Variants in AUTS2 observed in about 807,000 individuals in gnomAD.
AUTS2 encodes activator of transcription and developmental regulator AUTS2.
A neutral mutation model predicts 112.4 loss-of-function variants in AUTS2; 17 were observed. The observed-to-expected ratio is 0.15, with a 90% CI of 0.10 to 0.23. The LOEUF (loss-of-function observed/expected upper bound fraction) is 0.23, where lower values mean the gene tolerates loss of function less well. Ranked by LOEUF, AUTS2 falls within the 10% of genes least tolerant of loss-of-function variation. The probability of loss-of-function intolerance (pLI) is 1.00; values close to 1 mark genes in which losing one functional copy is unlikely to be tolerated. For missense variants in AUTS2, 1,510 were observed against 1,701.6 expected, an observed-to-expected ratio of 0.89 and a Z score of 1.98; for synonymous variants, 751 against 702.7, an observed-to-expected ratio of 1.07 and a Z score of -1.09.
At chr7:69,750,459 A>C (rs1392068657) in intron 1 of AUTS2, among the ~76,000 whole-genome samples, 1 of 148,874 alleles carries the variant, frequency 6.7e-6, no homozygotes, top group Non-Finnish European at 1.5e-5. Context: ...ATTTGTATAT[A>C]ACAAATACTA....
chr7:70,614,766 GT>G (rs1804267280), intron 5 of AUTS2, among the ~76,000 whole-genome samples: 1 of 152,204 alleles, frequency 6.6e-6, no homozygotes, highest in African/African-American at 2.4e-5. Flanking sequence ...AAAGTCACTG[GT>G]AATCTGTGCT....
chr7:70,116,968 A>G (rs898816045), intron 2 of AUTS2, among the ~76,000 whole-genome samples: 3 of 151,926 alleles, frequency 2.0e-5, no homozygotes, highest in Non-Finnish European at 4.4e-5. Flanking sequence ...GTAGACTAGT[A>G]CTCCATATAT....
At chr7:70,090,156 G>A (rs1254570949) in intron 2 of AUTS2, among the ~76,000 whole-genome samples, 1 of 151,408 alleles carries the variant, frequency 6.6e-6, no homozygotes, top group Non-Finnish European at 1.5e-5. Context: ...TTAATTGTTG[G>A]TTTTGGGGTT....
intron 1 of AUTS2, among the ~76,000 whole-genome samples, chr7:69,842,366 A>G (rs1181581007): frequency 6.6e-6 from 1 of 152,214 alleles, no homozygotes; most frequent in African/African-American, 2.4e-5. Flanking sequence ...TTTAAAGCAC[A>G]TACCTTAGGA....
chr7:70,172,651 G>A (rs940465223), intron 4 of AUTS2, among the ~76,000 whole-genome samples: 1 of 151,876 alleles, frequency 6.6e-6, no homozygotes, highest in African/African-American at 2.4e-5. Context: ...CTTTCCCTAT[G>A]CACTTTTGCT....
rs575827683 is a variant in AUTS2, at chr7:70,258,826, T to C, written c.660+124255T>C. On this transcript the variant is annotated intron_variant, in intron 4 of 18. Coordinates refer to ENST00000342771, the MANE Select transcript of AUTS2 (RefSeq NM_015570.4). Reference sequence around the variant, plus strand: ...GACAGAGGGACTCTAACAAGCTTGATGACATTTTGAATACGTTTTGTATTG... The same window carrying C: ...GACAGAGGGACTCTAACAAGCTTGACGACATTTTGAATACGTTTTGTATTG... 2.0e-5 allele frequency among the ~76,000 whole-genome samples: 3 copies of C among 152,278 alleles called. No homozygotes were observed. In the East Asian group the frequency reaches 5.8e-4, roughly 29 times the overall value.
In AUTS2 at chr7:70,475,982, T is replaced by C. The variant is rs191711795; in HGVS notation, c.690+40201T>C. Among the ~76,000 whole-genome samples, 171 of 152,142 alleles carry C rather than the reference T, an allele frequency of 1.1e-3. No homozygotes were observed. In the Middle Eastern group the frequency reaches 0.017, roughly 15 times the overall value. On this transcript the variant is annotated intron_variant, in intron 5 of 18. Coordinates refer to ENST00000342771, the MANE Select transcript of AUTS2 (RefSeq NM_015570.4). ...AGGTGAAGGCTGCAGTGAGCCAAGATCACACCACTGCAATCCAGCCTGGGT... is the reference window on the plus strand; with the variant it reads ...AGGTGAAGGCTGCAGTGAGCCAAGACCACACCACTGCAATCCAGCCTGGGT...
At chr7:70,702,967 A>G (rs761054197) in intron 6 of AUTS2, among the ~76,000 whole-genome samples, 7 of 152,208 alleles carry the variant, frequency 4.6e-5, no homozygotes, top group African/African-American at 7.2e-5. Flanking sequence ...GTATGGTTCT[A>G]TCAGCATTGT....
At chr7:70,618,722 CAGAG>C (rs34608343) in intron 5 of AUTS2, among the ~76,000 whole-genome samples, 1 of 151,314 alleles carries the variant, frequency 6.6e-6, no homozygotes. Flanking sequence ...AGGGGACAGA[CAGAG>C]AGAGAGAAAG....
chr7:69,647,331 A>G (rs1003508678), intron 1 of AUTS2, among the ~76,000 whole-genome samples: 3 of 151,726 alleles, frequency 2.0e-5, no homozygotes, highest in African/African-American at 7.3e-5. Flanking sequence ...TCAAAATTAG[A>G]TCAAATGGTC....
chr7:70,265,894 TA>T (rs888288546), intron 4 of AUTS2, among the ~76,000 whole-genome samples: 1 of 152,234 alleles, frequency 6.6e-6, no homozygotes, highest in African/African-American at 2.4e-5. Context: ...GTAAGTAGAA[TA>T]AATCAGTTTA....
At chr7:70,642,398 G>A (rs55821009) in intron 5 of AUTS2, among the ~76,000 whole-genome samples, 118,786 of 151,422 alleles carry the variant, frequency 0.78, 46,751 homozygotes, top group South Asian at 0.87. Flanking sequence ...TCTATCCTTC[G>A]TGCACAGATA....
At chr7:69,821,469 G>A (rs1208447744) in intron 1 of AUTS2, among the ~76,000 whole-genome samples, 1 of 151,998 alleles carries the variant, frequency 6.6e-6, no homozygotes, top group Non-Finnish European at 1.5e-5. Flanking sequence ...GACAAATAAG[G>A]GAATAAAAGC....
intron 4 of AUTS2, among the ~76,000 whole-genome samples, chr7:70,423,473 C>A (rs533037286): frequency 2.0e-5 from 3 of 152,298 alleles, no homozygotes; most frequent in African/African-American, 7.2e-5. Context: ...ATTTTTCCAA[C>A]TTAACTTTGA....
chr7:70,268,255 A>G (rs1787530538), intron 4 of AUTS2, among the ~76,000 whole-genome samples: 1 of 152,168 alleles, frequency 6.6e-6, no homozygotes, highest in Non-Finnish European at 1.5e-5. Flanking sequence ...GTGCTTCTGG[A>G]TAGTAAACTG....
chr7:70,665,100 A>G (rs899258537), intron 5 of AUTS2, among the ~76,000 whole-genome samples: 2 of 152,138 alleles, frequency 1.3e-5, no homozygotes, highest in Non-Finnish European at 2.9e-5. Flanking sequence ...AAATGCTTAT[A>G]TTCAACAATT....
intron 2 of AUTS2, among the ~76,000 whole-genome samples, chr7:69,958,653 G>T (rs1298449365): frequency 1.3e-5 from 2 of 152,114 alleles, no homozygotes; most frequent in Non-Finnish European, 2.9e-5. Flanking sequence ...TAGTCACTCT[G>T]CAACTACAAG....
chr7:70,697,841 T>C (rs1809212239), intron 5 of AUTS2, among the ~76,000 whole-genome samples: 1 of 152,224 alleles, frequency 6.6e-6, no homozygotes, highest in Non-Finnish European at 1.5e-5. Flanking sequence ...CCGACTTCCA[T>C]GTTTATTTTC....
intron 4 of AUTS2, among the ~76,000 whole-genome samples, chr7:70,169,682 C>T (rs965942230): frequency 6.6e-6 from 1 of 152,086 alleles, no homozygotes; most frequent in Admixed American, 6.5e-5. Context: ...CTGTAGAATG[C>T]AGAGGTTTCA....
Sources: allele counts gnomAD v4.1 joint callset (sites outside exome capture counted in the v4.1 genomes callset), GRCh38; gene constraint gnomAD v4.1.1; transcripts MANE v1.5; gene names NCBI Gene and HGNC (gene_info 2026-07-23, HGNC 2026-07-21).